The following SORCS2 variants were observed in gnomAD, a reference collection of about 807,000 sequenced individuals.
The protein encoded by SORCS2 is sortilin related VPS10 domain containing receptor 2, also known as VPS10 domain-containing receptor SorCS2.
A neutral mutation model predicts 141.6 loss-of-function variants in SORCS2; 100 were observed. The observed-to-expected ratio is 0.71, with a 90% CI of 0.60 to 0.83. The LOEUF (loss-of-function observed/expected upper bound fraction) is 0.83. Among genes scored for constraint, SORCS2 ranks in the 40% least tolerant of loss-of-function variants. The pLI is 0.00. For missense variants in SORCS2, 1,646 were observed against 1,560.2 expected (o/e 1.05, Z -0.93); for synonymous variants, 789 against 676.9 (o/e 1.17, Z -2.57).
chr4:7,238,431 TC>T (rs1357583389), intron 1 of SORCS2, among the ~76,000 whole-genome samples: 3 of 152,140 alleles, frequency 2.0e-5, no homozygotes, highest in African/African-American at 7.2e-5. Context: ...GGCTCCTAGG[TC>T]CTTGCCTAGC....
At chr4:7,737,223 C>T (rs753645246) in intron 26 of SORCS2, 51 bp downstream of exon 26, 105 of 1,547,426 alleles carry the variant, frequency 6.8e-5, no homozygotes, top group East Asian at 2.7e-4. Context: ...AGGTAACGTC[C>T]GCCCCAAACC....
At chr4:7,359,905 G>C (rs1721478684) in intron 1 of SORCS2, among the ~76,000 whole-genome samples, 1 of 152,178 alleles carries the variant, frequency 6.6e-6, no homozygotes. Context: ...GGCAGCCTGG[G>C]GCAAGGGAGG....
At chr4:7,345,797 C>T (rs185766308) in intron 1 of SORCS2, among the ~76,000 whole-genome samples, 3 of 152,288 alleles carry the variant, frequency 2.0e-5, no homozygotes, top group East Asian at 3.9e-4. Context: ...TTCCTGCCGC[C>T]CTCTCTCCCC....
intron 3 of SORCS2, among the ~76,000 whole-genome samples, chr4:7,577,867 G>A (rs371545652): frequency 2.7e-5 from 4 of 147,124 alleles, no homozygotes; most frequent in African/African-American, 1.0e-4. Flanking sequence ...GCATATAGGC[G>A]AAGTCAGCTA....
At chr4:7,527,372 A>C (rs938215235) in intron 2 of SORCS2, among the ~76,000 whole-genome samples, 1 of 152,246 alleles carries the variant, frequency 6.6e-6, no homozygotes, top group Non-Finnish European at 1.5e-5. Context: ...TGTAATCACA[A>C]GGAGGGAGCC....
chr4:7,326,920 G>A (rs1393600542), intron 1 of SORCS2, among the ~76,000 whole-genome samples: 1 of 152,120 alleles, frequency 6.6e-6, no homozygotes, highest in East Asian at 1.9e-4. Flanking sequence ...TGGGCAGGCA[G>A]CGGGCAGTCA....
At chr4:7,704,555 G>A (rs763542224) in intron 14 of SORCS2, among the ~76,000 whole-genome samples, 1 of 152,180 alleles carries the variant, frequency 6.6e-6, no homozygotes, top group African/African-American at 2.4e-5. Flanking sequence ...TATGGCTTAG[G>A]GCCTGACACC....
intron 1 of SORCS2, among the ~76,000 whole-genome samples, chr4:7,265,408 T>C (rs1282901579): frequency 6.6e-6 from 1 of 152,126 alleles, no homozygotes; most frequent in African/African-American, 2.4e-5. Context: ...GGGGAATCGC[T>C]TGAACCTGGG....
intron 2 of SORCS2, among the ~76,000 whole-genome samples, chr4:7,521,763 C>A (rs1353555019): frequency 6.6e-6 from 1 of 152,204 alleles, no homozygotes; most frequent in Non-Finnish European, 1.5e-5. Context: ...CCTCAGTTTC[C>A]CCATATATAA....
chr4:7,456,944 C>G (rs553578712), intron 2 of SORCS2, among the ~76,000 whole-genome samples: 1 of 151,952 alleles, frequency 6.6e-6, no homozygotes, highest in Non-Finnish European at 1.5e-5. Context: ...GTTGGGTGCA[C>G]GCAGCCACCT....
chr4:7,375,795 A>T (rs1206875692), intron 1 of SORCS2, among the ~76,000 whole-genome samples: 2 of 152,194 alleles, frequency 1.3e-5, no homozygotes, highest in African/African-American at 4.8e-5. Flanking sequence ...TCCACAGAGG[A>T]GTGGACAAGG....
At chr4:7,618,214 C>T (rs1171607747) in intron 3 of SORCS2, among the ~76,000 whole-genome samples, 2 of 152,136 alleles carry the variant, frequency 1.3e-5, no homozygotes. Flanking sequence ...ACGCTAAAAA[C>T]TCAGGGGTCA....
rs1015717780 is a variant in SORCS2, at chr4:7,740,988, G to A, written c.*724G>A. 2.8e-5 allele frequency: 11 copies of A among 398,468 alleles called. No homozygotes were observed. Among genetic ancestry groups the A allele is most frequent in the Admixed American group, 4.4e-5 (1 of 22,732 alleles). 24.7% of individuals were successfully genotyped at this position (398,468 alleles called of 1,614,324 possible). A position where few individuals can be genotyped will look rare whatever the true frequency, so the allele number is the denominator to read the frequency against. The stretch of plus-strand genomic sequence containing the variant: ...CCCAGAGGGGCAGCAGCTCTCCCTG[G>A]TTCTCCCCAGGGCAGACGGGGTAGG... On this transcript the variant is annotated 3_prime_UTR_variant, in exon 27 of 27. Coordinates refer to ENST00000507866, the MANE Select transcript of SORCS2 (RefSeq NM_020777.3).
chr4:7,454,597 T>C (rs1728740930), intron 2 of SORCS2, among the ~76,000 whole-genome samples: 1 of 134,910 alleles, frequency 7.4e-6, no homozygotes, highest in Non-Finnish European at 1.6e-5. Flanking sequence ...AGGTGCTGTG[T>C]TGGGGTCAGG....
chr4:7,354,221 G>A (rs1281625949), intron 1 of SORCS2, among the ~76,000 whole-genome samples: 2 of 152,088 alleles, frequency 1.3e-5, no homozygotes, highest in South Asian at 2.1e-4. Flanking sequence ...GAAAGGCCAG[G>A]GCAGTAGAGA....
chr4:7,543,735 C>T (rs1245731758), intron 3 of SORCS2, among the ~76,000 whole-genome samples: 10 of 68,150 alleles, frequency 1.5e-4, no homozygotes, highest in African/African-American at 1.8e-4. Flanking sequence ...CACCCATCCA[C>T]CCATCCACCC....
intron 3 of SORCS2, among the ~76,000 whole-genome samples, chr4:7,561,661 C>T (rs1714585898): frequency 6.6e-6 from 1 of 152,080 alleles, no homozygotes; most frequent in African/African-American, 2.4e-5. Context: ...TCTACCCATT[C>T]ATCCATCTAT....
At chr4:7,587,104 C>CGCAA (rs1239360336) in intron 3 of SORCS2, among the ~76,000 whole-genome samples, 3 of 151,860 alleles carry the variant, frequency 2.0e-5, no homozygotes, top group East Asian at 3.9e-4. Flanking sequence ...ATGAGAGGTG[C>CGCAA]GCAAGCAGAA....
In SORCS2 at chr4:7,192,554, C is replaced by T. The variant is rs185225675; in HGVS notation, c.-93C>T. 1.5e-3 allele frequency: 1,500 copies of T among 969,038 alleles called. 19 individuals carry two copies. The African/African-American group carries it at 0.024, about 15-fold the overall frequency. The allele number at this position is 969,038 out of a possible 1,614,324, so 60.0% of individuals were successfully genotyped here. A position where few individuals can be genotyped will look rare whatever the true frequency, so the allele number is the denominator to read the frequency against. The stretch of plus-strand genomic sequence containing the variant: ...TCGCCGGCTCCTTTCTCTGCGCTCT[C>T]GCTCGCGCTCCCCAGCGCCCTCCTG... On this transcript the variant is annotated 5_prime_UTR_variant, in exon 1 of 27. Coordinates refer to ENST00000507866, the MANE Select transcript of SORCS2 (RefSeq NM_020777.3). This position sits in a 1 kb window ranked among gnomAD's most constrained non-coding sequence, Gnocchi z 4.0.
Sources: allele counts gnomAD v4.1 joint callset (sites outside exome capture counted in the v4.1 genomes callset), GRCh38; gene constraint gnomAD v4.1.1; non-coding constraint Gnocchi (gnomAD v3.1); transcripts MANE v1.5; gene names NCBI Gene and HGNC (gene_info 2026-07-23, HGNC 2026-07-21).